PWWP3B: variants seen among roughly 807,000 people sequenced by gnomAD.
The protein encoded by PWWP3B is PWWP domain-containing DNA repair factor 3B.
PWWP3B carries 5 observed loss-of-function variants against 15.7 expected under a neutral mutation model. The ratio of observed to expected loss-of-function variants is 0.32; its 90% confidence interval spans 0.17 to 0.67. The LOEUF (loss-of-function observed/expected upper bound fraction) is 0.67. PWWP3B is among the 30% of genes least tolerant of loss of function. The probability of loss-of-function intolerance (pLI) is 0.74; values close to 1 mark genes in which losing one functional copy is unlikely to be tolerated. For missense variants in PWWP3B, 519 were observed against 493.1 expected, an observed-to-expected ratio of 1.05 and a Z score of -0.50; for synonymous variants, 203 against 179.8, an observed-to-expected ratio of 1.13 and a Z score of -1.03.
Position 106,207,576 on chromosome X carries a change from A to G in PWWP3B, c.*53A>G. 5 of 1,069,664 alleles carry G rather than the reference A, an allele frequency of 4.7e-6. No homozygotes were observed. Among genetic ancestry groups the G allele is most frequent in the Non-Finnish European group, 4.9e-6 (4 of 817,254 alleles). The allele number at this position is 1,069,664 out of a possible 1,213,427, so 88.2% of individuals were successfully genotyped here. On this transcript the variant is annotated 3_prime_UTR_variant, in exon 4 of 4. Coordinates refer to ENST00000357175, the MANE Select transcript of PWWP3B (RefSeq NM_001171020.2). ...GGAGCTCTCATAGATACTAGTTGAA[A>G]AAAGTCTCTGAACAATTCTCTCTAA...
At chrX:106,189,988 G>C (rs1470655763) in intron 2 of PWWP3B, among the ~76,000 whole-genome samples, 1 of 111,328 alleles carries the variant, frequency 9.0e-6, no homozygotes, top group Non-Finnish European at 1.9e-5. Flanking sequence ...ATTGTGAATA[G>C]TGCCACTATA....
At chrX:106,170,829 C>T (rs993490168) in intron 1 of PWWP3B, among the ~76,000 whole-genome samples, 183 bp from the exon 2 acceptor site, 22 of 111,224 alleles carry the variant, frequency 2.0e-4, no homozygotes, top group African/African-American at 6.2e-4. Flanking sequence ...TTAGCATGAA[C>T]GAAATAACAT....
At chrX:106,189,005 G>C (rs979016315) in intron 2 of PWWP3B, among the ~76,000 whole-genome samples, 2 of 111,697 alleles carry the variant, frequency 1.8e-5, no homozygotes, top group South Asian at 3.7e-4. Flanking sequence ...TTTCTCTTGA[G>C]TAAATACTTA....
At chrX:106,185,558 G>A (rs1246773777) in intron 2 of PWWP3B, among the ~76,000 whole-genome samples, 1 of 111,690 alleles carries the variant, frequency 9.0e-6, no homozygotes, top group Non-Finnish European at 1.9e-5. Flanking sequence ...GTCAGATTTA[G>A]TGGCCCTTAC....
chrX:106,172,605 TC>T (rs1384923350), intron 2 of PWWP3B, among the ~76,000 whole-genome samples: 1 of 110,800 alleles, frequency 9.0e-6, no homozygotes, highest in Non-Finnish European at 1.9e-5. Context: ...GCAGTAACAC[TC>T]ATGGTGCTGT....
At chrX:106,186,412 T>A (rs1296777188) in intron 2 of PWWP3B, among the ~76,000 whole-genome samples, 1 of 111,685 alleles carries the variant, frequency 9.0e-6, no homozygotes, top group African/African-American at 3.3e-5. Context: ...ATGTCTTTAG[T>A]CCGGCAGCCA....
At chrX:106,195,955 C>T (rs1180445251) in intron 2 of PWWP3B, among the ~76,000 whole-genome samples, 1 of 111,581 alleles carries the variant, frequency 9.0e-6, no homozygotes, top group East Asian at 2.8e-4. Context: ...TTATTTAGGT[C>T]TTATTTAATT....
At chrX:106,203,652 C>A (rs1602871608) in intron 2 of PWWP3B, among the ~76,000 whole-genome samples, 1 of 111,973 alleles carries the variant, frequency 8.9e-6, no homozygotes, top group South Asian at 3.7e-4. Flanking sequence ...AAGAAAAATT[C>A]CACATGATAA....
At chrX:106,200,072 TAG>T (rs1467434378) in intron 2 of PWWP3B, among the ~76,000 whole-genome samples, 1 of 111,458 alleles carries the variant, frequency 9.0e-6, no homozygotes, top group East Asian at 2.8e-4. Context: ...AAATTCTGGT[TAG>T]TGGACTGTTA....
rs768908416 is a variant in PWWP3B, at chrX:106,206,360, C to T, written c.928C>T (p.Pro310Ser). 18 of 1,204,236 alleles carry T rather than the reference C, an allele frequency of 1.5e-5. No individual in the cohort carries two copies. The East Asian group carries it at 5.3e-4, about 36-fold the overall frequency. ...ATCAGAGATGGGGGCTGCAGCATGCCCTGGGAGTTGTTCAAGGGAATGCGA... is the reference window on the plus strand; with the variant it reads ...ATCAGAGATGGGGGCTGCAGCATGCTCTGGGAGTTGTTCAAGGGAATGCGA... ...MESEMGAAAC[P>S]GSCSRECEVS... The change falls in exon 4 of 4, where the codon CCT becomes TCT. Residue 310 changes from proline (P) to serine (S), a missense_variant. By Grantham distance (74) the Pro-to-Ser change is moderately conservative. Transcript: ENST00000357175.
At chrX:106,170,373 C>A (rs1262966650) in intron 1 of PWWP3B, among the ~76,000 whole-genome samples, 1 of 111,606 alleles carries the variant, frequency 9.0e-6, no homozygotes, top group African/African-American at 3.3e-5. Flanking sequence ...AAGATATATA[C>A]AATTTGCATG....
intron 2 of PWWP3B, among the ~76,000 whole-genome samples, chrX:106,193,023 T>C (rs1923102663): frequency 9.0e-6 from 1 of 111,629 alleles, no homozygotes; most frequent in Non-Finnish European, 1.9e-5. Flanking sequence ...ATTTTGTTGA[T>C]TTAGGGTGGA....
At chrX:106,183,584 C>T (rs1318678089) in intron 2 of PWWP3B, among the ~76,000 whole-genome samples, 2 of 111,951 alleles carry the variant, frequency 1.8e-5, no homozygotes, top group Admixed American at 1.9e-4. Flanking sequence ...GGGTGTGGGA[C>T]TTTTAGGCAT....
At chrX:106,199,071 C>T (rs1201354224) in intron 2 of PWWP3B, among the ~76,000 whole-genome samples, 1 of 94,448 alleles carries the variant, frequency 1.1e-5, no homozygotes, top group African/African-American at 4.0e-5. Context: ...TTTTTTGAGA[C>T]AGAGTCTCGC....
intron 2 of PWWP3B, among the ~76,000 whole-genome samples, chrX:106,203,650 T>C (rs1314417869): frequency 8.9e-6 from 1 of 111,902 alleles, no homozygotes; most frequent in African/African-American, 3.2e-5. Flanking sequence ...AGAAGAAAAA[T>C]TCCACATGAT....
At chrX:106,175,430 CG>C (rs1170330002) in intron 2 of PWWP3B, among the ~76,000 whole-genome samples, 1 of 108,441 alleles carries the variant, frequency 9.2e-6, no homozygotes, top group Non-Finnish European at 1.9e-5. Flanking sequence ...TTAGTAGAGA[CG>C]GGGTTTCACC....
At chrX:106,185,450 A>G (rs1922454541) in intron 2 of PWWP3B, among the ~76,000 whole-genome samples, 1 of 111,495 alleles carries the variant, frequency 9.0e-6, no homozygotes, top group Non-Finnish European at 1.9e-5. Context: ...AAGAACCTGC[A>G]GCAGTCCCTG....
chrX:106,189,612 C>CTTTT (rs1277003635), intron 2 of PWWP3B, among the ~76,000 whole-genome samples: 27 of 77,845 alleles, frequency 3.5e-4, no homozygotes, highest in South Asian at 6.0e-4. Flanking sequence ...GCCACATTTT[C>CTTTT]TTTTTTTTTT....
At chrX:106,190,719 G>T (rs1198044804) in intron 2 of PWWP3B, among the ~76,000 whole-genome samples, 1 of 111,861 alleles carries the variant, frequency 8.9e-6, no homozygotes, top group African/African-American at 3.3e-5. Context: ...ATTAATTTTA[G>T]TATAAGGTGT....
Sources: allele counts gnomAD v4.1 joint callset (sites outside exome capture counted in the v4.1 genomes callset), GRCh38; gene constraint gnomAD v4.1.1; transcripts MANE v1.5; gene names NCBI Gene and HGNC (gene_info 2026-07-23, HGNC 2026-07-21).